KCNH1: variants seen among roughly 807,000 people sequenced by gnomAD.
KCNH1 encodes voltage-gated delayed rectifier potassium channel KCNH1.
KCNH1 carries 27 observed loss-of-function variants against 69.2 expected under a neutral mutation model. The ratio of observed to expected loss-of-function variants is 0.39; its 90% CI spans 0.29 to 0.54. The LOEUF (loss-of-function observed/expected upper bound fraction) is 0.54, where lower values mean the gene tolerates loss of function less well. Among genes scored for constraint, KCNH1 ranks in the 20% least tolerant of loss-of-function variants. The pLI, the probability that KCNH1 is intolerant of heterozygous loss-of-function variation, is 0.68. For synonymous variants in KCNH1, 456 were observed against 487.7 expected, an observed-to-expected ratio of 0.93 and a Z score of 0.86; for missense variants, 798 against 1,261.6, an observed-to-expected ratio of 0.63 and a Z score of 5.57.
intron 5 of KCNH1, among the ~76,000 whole-genome samples, chr1:211,049,296 G>T (rs1470551062): frequency 6.6e-6 from 1 of 152,200 alleles, no homozygotes; most frequent in Non-Finnish European, 1.5e-5. Context: ...GGTCAGAAAA[G>T]GCTTAGATTT....
intron 10 of KCNH1, among the ~76,000 whole-genome samples, chr1:210,770,172 AG>A (rs34462707): frequency 0.6 from 91,375 of 151,110 alleles, 28,044 homozygotes; most frequent in African/African-American, 0.65. Flanking sequence ...GGACACAGGG[AG>A]GGGGAACATC....
intron 6 of KCNH1, among the ~76,000 whole-genome samples, chr1:211,001,400 G>T (rs909152090): frequency 1.3e-5 from 2 of 152,058 alleles, no homozygotes; most frequent in Non-Finnish European, 2.9e-5. Context: ...GCAGCCAAAA[G>T]ACACATGAAA....
At chr1:210,871,294 T>G (rs4634969) in intron 7 of KCNH1, among the ~76,000 whole-genome samples, 14,221 of 152,038 alleles carry the variant, frequency 0.094, 1,483 homozygotes, top group African/African-American at 0.25. Context: ...AAAAAACACA[T>G]GAAAAAATGC....
chr1:210,739,294 A>T lies in KCNH1; in HGVS notation c.2112+36054T>A, dbSNP rs374766862. Among the ~76,000 whole-genome samples, 13 of 152,334 alleles carry T rather than the reference A, an allele frequency of 8.5e-5. No individual in the cohort carries two copies. The South Asian group carries it at 2.5e-3, about 29-fold the overall frequency. On this transcript the variant is annotated intron_variant, in intron 10 of 10. Transcript: ENST00000271751. Reference sequence around the variant, plus strand: ...CCAGACGTTAGAGCTTGATTTGCCAATCCTGTTCTCAATAGTGCTCACTCC... The same window carrying T: ...CCAGACGTTAGAGCTTGATTTGCCATTCCTGTTCTCAATAGTGCTCACTCC...
chr1:210,971,142 G>A (rs988988072), intron 6 of KCNH1, among the ~76,000 whole-genome samples: 14 of 151,852 alleles, frequency 9.2e-5, no homozygotes, highest in South Asian at 4.1e-4. Flanking sequence ...TAGCAGAGAC[G>A]AGGTCTCATT....
intron 7 of KCNH1, among the ~76,000 whole-genome samples, chr1:210,888,200 C>A (rs1052062063): frequency 6.6e-6 from 1 of 152,134 alleles, no homozygotes; most frequent in Non-Finnish European, 1.5e-5. Context: ...GATATCATAA[C>A]AAACAGTCTG....
intron 10 of KCNH1, among the ~76,000 whole-genome samples, chr1:210,730,486 G>A (rs1040505340): frequency 6.6e-6 from 1 of 152,114 alleles, no homozygotes; most frequent in Non-Finnish European, 1.5e-5. Flanking sequence ...AGAGACAGTT[G>A]GATAATAATC....
chr1:211,089,697 A>G (rs1424719559), intron 4 of KCNH1, among the ~76,000 whole-genome samples: 1 of 152,214 alleles, frequency 6.6e-6, no homozygotes, highest in Non-Finnish European at 1.5e-5. Flanking sequence ...TCAGAAAACC[A>G]CAAGGAGCAG....
chr1:211,020,624 C>A (rs1689571572), intron 5 of KCNH1, among the ~76,000 whole-genome samples: 1 of 152,104 alleles, frequency 6.6e-6, no homozygotes, highest in South Asian at 2.1e-4. Flanking sequence ...GGAGGGCATT[C>A]TTCCAAACTC....
In KCNH1 at chr1:210,984,768, G is replaced by C. The variant is rs1316028847; in HGVS notation, c.1032+34015C>G. On this transcript the variant is annotated intron_variant, in intron 6 of 10. Coordinates refer to ENST00000271751, the MANE Select transcript of KCNH1 (RefSeq NM_172362.3). ...CTCTTTTTTTGTTGTGTCTCTGCCA[G>C]GCTTTGGTATGAGGATGATTCTGGT... 3.9e-5 allele frequency among the ~76,000 whole-genome samples: 6 copies of C among 152,282 alleles called. No homozygotes were observed. In the East Asian group the frequency reaches 1.2e-3, roughly 29 times the overall value.
At chr1:210,857,081 C>T (rs1463339430) in intron 7 of KCNH1, among the ~76,000 whole-genome samples, 2 of 151,476 alleles carry the variant, frequency 1.3e-5, no homozygotes, top group Non-Finnish European at 2.9e-5. Context: ...TACCCTATGC[C>T]TACTGTGTTA....
intron 6 of KCNH1, among the ~76,000 whole-genome samples, chr1:211,009,813 T>C (rs1689360068): frequency 6.6e-6 from 1 of 152,082 alleles, no homozygotes; most frequent in Admixed American, 6.5e-5. Flanking sequence ...TTCACTATGT[T>C]AGCCAGGCTG....
chr1:210,995,662 G>T (rs995067021), intron 6 of KCNH1, among the ~76,000 whole-genome samples: 3 of 152,162 alleles, frequency 2.0e-5, no homozygotes, highest in African/African-American at 7.2e-5. Flanking sequence ...TTTTTGCAGA[G>T]AAATGTATGA....
At chr1:210,965,172 C>A (rs540401975) in intron 6 of KCNH1, among the ~76,000 whole-genome samples, 1 of 152,152 alleles carries the variant, frequency 6.6e-6, no homozygotes, top group African/African-American at 2.4e-5. Context: ...TGGAAGCATT[C>A]CCTTTGAAAA....
chr1:211,055,965 T>C (rs1690296629), intron 5 of KCNH1, among the ~76,000 whole-genome samples: 1 of 152,184 alleles, frequency 6.6e-6, no homozygotes, highest in Admixed American at 6.5e-5. Flanking sequence ...CCATGCTGGC[T>C]TCAGGTGTGA....
At chr1:211,062,193 G>T (rs751464270) in intron 5 of KCNH1, among the ~76,000 whole-genome samples, 1 of 151,994 alleles carries the variant, frequency 6.6e-6, no homozygotes, top group Non-Finnish European at 1.5e-5. Flanking sequence ...TTTGACAAAG[G>T]TATGAAAAAC....
chr1:210,807,618 GATAA>G (rs531359968), intron 7 of KCNH1, among the ~76,000 whole-genome samples: 4 of 150,032 alleles, frequency 2.7e-5, no homozygotes, highest in Admixed American at 6.6e-5. Context: ...GTCTCAAAAA[GATAA>G]ATAAATAAAT....
chr1:211,070,653 G>A (rs759033856), intron 5 of KCNH1, among the ~76,000 whole-genome samples: 5 of 151,640 alleles, frequency 3.3e-5, no homozygotes, highest in Non-Finnish European at 5.9e-5. Context: ...GCGAAACCCC[G>A]TCTCTACTAA....
intron 10 of KCNH1, among the ~76,000 whole-genome samples, chr1:210,702,327 T>A (rs769241702): frequency 2.0e-5 from 3 of 152,198 alleles, no homozygotes; most frequent in African/African-American, 4.8e-5. Flanking sequence ...CCCTCCATTT[T>A]CTGTTTTTCT....
Sources: allele counts gnomAD v4.1 joint callset (sites outside exome capture counted in the v4.1 genomes callset), GRCh38; gene constraint gnomAD v4.1.1; transcripts MANE v1.5; gene names NCBI Gene and HGNC (gene_info 2026-07-23, HGNC 2026-07-21).